Variants in UGT2B4 observed in about 807,000 individuals in gnomAD.
UGT2B4 encodes UDP-glucuronosyltransferase 2B4.
A neutral mutation model predicts 49.8 loss-of-function variants in UGT2B4; 49 were observed. That is an observed-to-expected ratio of 0.98 (90% CI 0.78 to 1.25). The LOEUF (loss-of-function observed/expected upper bound fraction) is 1.25. UGT2B4 is among the 50% of genes most tolerant of loss of function. The pLI, the probability that UGT2B4 is intolerant of heterozygous loss-of-function variation, is 0.00. For synonymous variants in UGT2B4, 246 were observed against 217.7 expected (o/e 1.13, Z -1.14); for missense variants, 729 against 627.7 (o/e 1.16, Z -1.73).
intron 1 of UGT2B4, among the ~76,000 whole-genome samples, chr4:69,521,956 A>C (rs1050766006): frequency 1.3e-5 from 2 of 152,198 alleles, no homozygotes; most frequent in African/African-American, 4.8e-5. Flanking sequence ...GTAGTATATT[A>C]ATGATTTGAG....
chr4:69,525,099 T>C (rs928951059), intron 1 of UGT2B4, among the ~76,000 whole-genome samples: 1 of 152,222 alleles, frequency 6.6e-6, no homozygotes. Context: ...TATTTTAATT[T>C]ACAGGAAAAA....
At position 69,480,734 on chromosome 4, in the gene UGT2B4, A is replaced by C; in HGVS notation, c.1487T>G (p.Phe496Cys). 6.2e-7 allele frequency: 1 copy of C among 1,614,054 alleles called. No homozygotes were observed. Among genetic ancestry groups the C allele is most frequent in the East Asian group, 2.2e-5 (1 of 44,858 alleles). The change falls in exon 6 of 6, where the codon TTC (phenylalanine) becomes TGC (cysteine). Residue 496 changes from phenylalanine to cysteine, a missense_variant. Phe to Cys is a radical substitution (Grantham distance 205). Coordinates refer to ENST00000305107, the MANE Select transcript of UGT2B4 (RefSeq NM_021139.3). ...FQYHSLDVTG[F>C]LLACVATVIF... is the part of the protein sequence containing the mutation. ...CACAGTTGCCACACAGGCCAGCAGG[A>C]ACCCAGTCACATCCAAAGAGTGGTA...
chr4:69,498,621 T>G (rs1178313586), upstream of UGT2B4, among the ~76,000 whole-genome samples: 2 of 152,124 alleles, frequency 1.3e-5, no homozygotes, highest in Non-Finnish European at 2.9e-5. Context: ...GTCAAGGAAT[T>G]TATCTACTTC....
intron 1 of UGT2B4, among the ~76,000 whole-genome samples, chr4:69,503,239 C>A (rs1728388904): frequency 6.6e-6 from 1 of 152,166 alleles, no homozygotes. Flanking sequence ...AGGGCCCCAG[C>A]CTGGCCATGA....
At chr4:69,482,377 G>A (rs1727620106) in intron 5 of UGT2B4, among the ~76,000 whole-genome samples, 1 of 152,156 alleles carries the variant, frequency 6.6e-6, no homozygotes, top group Non-Finnish European at 1.5e-5. Flanking sequence ...CATACGCTAA[G>A]TGAAACAGCC....
chr4:69,489,637 G>C (rs1436370295), intron 2 of UGT2B4, 67 bp from the exon 3 acceptor site: 2 of 1,532,752 alleles, frequency 1.3e-6, no homozygotes, highest in East Asian at 4.7e-5. Context: ...TGAAAGAATT[G>C]TTATAAAAAG....
At chr4:69,505,110 T>C (rs1477014252) in intron 1 of UGT2B4, among the ~76,000 whole-genome samples, 1 of 152,102 alleles carries the variant, frequency 6.6e-6, no homozygotes, top group Non-Finnish European at 1.5e-5. Flanking sequence ...TTCCAACCAT[T>C]ACAAAAGCAC....
At position 69,524,710 on chromosome 4, in the gene UGT2B4, A is replaced by C. The variant is rs540542460; in HGVS notation, c.-106+977T>G. Among the ~76,000 whole-genome samples the C allele has an allele frequency of 4.0e-3, 599 of 149,192 alleles. 2 individuals carry two copies. The highest frequency in any genetic ancestry group is 0.013 in the African/African-American group (513 of 40,582). On this transcript the variant is annotated intron_variant, in intron 1 of 1. Coordinates refer to the UGT2B4 transcript ENST00000510114. ...AACCCTCAACTTATGAGAAAAAAAA[A>C]CCCAAATATCTGCAAAGCATGATAA...
In UGT2B4 at chr4:69,495,138, T is replaced by G; in HGVS notation, c.721+3A>C. 12 of 1,513,998 alleles carry G rather than the reference T, an allele frequency of 7.9e-6. No individual in the cohort carries two copies. Among genetic ancestry groups the G allele is most frequent in the Non-Finnish European group, 9.7e-6 (11 of 1,136,046 alleles). The allele number at this position is 1,513,998 out of a possible 1,614,324, so 93.8% of individuals were successfully genotyped here. A position where few individuals can be genotyped will look rare whatever the true frequency, so the allele number is the denominator to read the frequency against. ...CATGTTACCAATCAAAAAAGTTACT[T>G]ACCTAGAACTTCACTGTAGAACTGA... On this transcript the variant is annotated splice_donor_region_variant and intron_variant, in intron 1 of 5. Transcript: ENST00000305107.
At chr4:69,508,871 G>A (rs1165597708) in intron 1 of UGT2B4, among the ~76,000 whole-genome samples, 1 of 152,114 alleles carries the variant, frequency 6.6e-6, no homozygotes. Flanking sequence ...TATATTTTAA[G>A]TGTAAAATAC....
intron 1 of UGT2B4, among the ~76,000 whole-genome samples, chr4:69,510,986 TC>T (rs377704838): frequency 0.22 from 26,164 of 120,962 alleles, 2,997 homozygotes; most frequent in Middle Eastern, 0.26. Flanking sequence ...TCTTTTCTTT[TC>T]TTCTTTTTTT....
Position 69,495,438 on chromosome 4 carries a change from C to T in UGT2B4, c.424G>A (p.Glu142Lys). Residue 142 changes from glutamate to lysine, a missense_variant, in exon 1 of 6, where the codon GAG (glutamate) becomes AAG (lysine). Transcript: ENST00000305107. ...GCAAGAACAACATCAAATCTTGACT[C>T]CTGTAGTTTCTTCATAAGTTTCTTA... is the stretch of plus-strand genomic sequence containing the variant. ...SNKKLMKKLQ[E>K]SRFDVVLADA... 6.2e-7 allele frequency: 1 copy of T among 1,613,776 alleles called. No individual in the cohort carries two copies. Among genetic ancestry groups the T allele is most frequent in the Non-Finnish European group, 8.5e-7 (1 of 1,179,900 alleles).
At chr4:69,487,627 A>G (rs1211815832) in intron 3 of UGT2B4, among the ~76,000 whole-genome samples, 1 of 152,124 alleles carries the variant, frequency 6.6e-6, no homozygotes, top group Non-Finnish European at 1.5e-5. Context: ...AGGATCAGGA[A>G]AAATAACTAA....
chr4:69,506,107 C>T (rs1728460437), intron 1 of UGT2B4, among the ~76,000 whole-genome samples: 1 of 151,934 alleles, frequency 6.6e-6, no homozygotes, highest in South Asian at 2.1e-4. Context: ...GACTAAATGC[C>T]CGCATTGGAA....
rs114503613 is a variant in UGT2B4, at chr4:69,516,146, C to T, written c.-106+9541G>A. ...TGCTGAGGGTAAGGGCTTCCAGCTG[C>T]ATCCATATCCCTGAAAATGACATGA... On this transcript the variant is annotated intron_variant, in intron 1 of 1. Coordinates refer to the UGT2B4 transcript ENST00000510114. 8.4e-3 allele frequency among the ~76,000 whole-genome samples: 1,275 copies of T among 152,304 alleles called. 9 individuals are homozygous for T. The highest frequency in any genetic ancestry group is 0.029 in the African/African-American group (1,187 of 41,560).
chr4:69,514,003 T>A (rs993483967), intron 1 of UGT2B4, among the ~76,000 whole-genome samples: 7 of 127,448 alleles, frequency 5.5e-5, no homozygotes, highest in Non-Finnish European at 1.2e-4. Flanking sequence ...ATTTTATTTT[T>A]TTTTAATTTT....
intron 1 of UGT2B4, among the ~76,000 whole-genome samples, chr4:69,521,026 T>G (rs1039498162): frequency 5.3e-5 from 8 of 152,100 alleles, no homozygotes; most frequent in African/African-American, 1.9e-4. Flanking sequence ...TCTGAGCCCA[T>G]AAAAACCTCC....
intron 3 of UGT2B4, 44 bp downstream of exon 3, chr4:69,489,395 C>T: frequency 6.3e-7 from 1 of 1,599,412 alleles, no homozygotes; most frequent in Non-Finnish European, 8.5e-7. Flanking sequence ...ACTTTAACAG[C>T]CTCTTTCAGT....
At chr4:69,489,710 A>C (rs2109808918) in intron 2 of UGT2B4, 140 bp from the exon 3 acceptor site, 1 of 1,280,460 alleles carries the variant, frequency 7.8e-7, no homozygotes, top group Non-Finnish European at 1.1e-6. Context: ...TGACTCAATT[A>C]CTCAGTTTTT....
Sources: gnomAD v4.1 joint callset for allele counts (sites outside exome capture counted in the v4.1 genomes callset) on GRCh38, gnomAD v4.1.1 for gene constraint, MANE v1.5 for transcripts, NCBI Gene and HGNC (gene_info 2026-07-23, HGNC 2026-07-21) for gene names.